KIF20B: variants seen among roughly 807,000 people sequenced by gnomAD.
KIF20B encodes kinesin family member 20B, also known as kinesin-like protein KIF20B.
A neutral mutation model predicts 232.5 loss-of-function variants in KIF20B; 188 were observed. That is an observed-to-expected ratio of 0.81 (90% CI 0.72 to 0.91). The LOEUF is 0.91. KIF20B is among the 40% of genes least tolerant of loss of function. The pLI is 0.00. For missense variants in KIF20B, 2,154 were observed against 2,055.9 expected (o/e 1.05, Z -0.92); for synonymous variants, 712 against 683.0 (o/e 1.04, Z -0.66).
chr10:89,765,619 T>C (rs767296437), intron 29 of KIF20B, among the ~76,000 whole-genome samples: 7 of 152,224 alleles, frequency 4.6e-5, no homozygotes, highest in South Asian at 2.1e-4. Context: ...GGCATCACGC[T>C]ACCTGACTTA....
chr10:89,750,682 G>A (rs920446078), intron 23 of KIF20B, among the ~76,000 whole-genome samples: 4 of 152,060 alleles, frequency 2.6e-5, no homozygotes, highest in Non-Finnish European at 4.4e-5. Flanking sequence ...CTCTTTATCC[G>A]TTTCCTGCAG....
chr10:89,709,183 C>A lies in KIF20B; in HGVS notation c.164C>A (p.Ser55Tyr). The change falls in exon 3 of 33, where the codon TCT (serine) becomes TAT (tyrosine). Residue 55 changes from serine (S) to tyrosine (Y), a missense_variant. Coordinates refer to ENST00000371728, the MANE Select transcript of KIF20B (RefSeq NM_001284259.2). Reference sequence around the variant, plus strand: ...TTTTTTAAGGCAAACAGTTTCGAATCTAAAGATTATCTCCAGGTTTGTCTT... The same window carrying A: ...TTTTTTAAGGCAAACAGTTTCGAATATAAAGATTATCTCCAGGTTTGTCTT... ...APNTEANSFE[S>Y]KDYLQVCLRI... is the part of the protein sequence containing the mutation. 1 of 1,606,590 alleles carries A rather than the reference C, an allele frequency of 6.2e-7. No individual in the cohort carries two copies. The highest frequency in any genetic ancestry group is 1.1e-5 in the South Asian group (1 of 89,898).
chr10:89,768,569 C>G (rs539610173), intron 30 of KIF20B, among the ~76,000 whole-genome samples, 169 bp from the exon 31 acceptor site: 2 of 152,030 alleles, frequency 1.3e-5, no homozygotes, highest in Non-Finnish European at 2.9e-5. Flanking sequence ...CTCTGCCTGT[C>G]AAACTCTTTT....
intron 17 of KIF20B, among the ~76,000 whole-genome samples, chr10:89,728,905 T>TTGTGTGTGTGTGTGTGTGAGTG (rs1843251603): frequency 2.2e-5 from 3 of 138,118 alleles, no homozygotes; most frequent in African/African-American, 8.4e-5. Flanking sequence ...TCTTTTTTCT[T>TTGTGTGTGTGTGTGTGTGAGTG]TGTGTGTGTG....
rs1041592675 is a variant in KIF20B, at chr10:89,774,225, A to T, written c.*177A>T. 1 of 381,194 alleles carries T rather than the reference A, an allele frequency of 2.6e-6. No homozygotes were observed. The highest frequency in any genetic ancestry group is 4.6e-5 in the Admixed American group (1 of 21,778). 23.6% of individuals were successfully genotyped at this position (381,194 alleles called of 1,614,324 possible). A position where few individuals can be genotyped will look rare whatever the true frequency, so the allele number is the denominator to read the frequency against. On this transcript the variant is annotated 3_prime_UTR_variant, in exon 33 of 33. Transcript: ENST00000371728. ...GAGTCAAAATTTGTATATTTTTATAAGGCTTTTTTATAATAGCTTCTTTCA... is the reference window on the plus strand; with the variant it reads ...GAGTCAAAATTTGTATATTTTTATATGGCTTTTTTATAATAGCTTCTTTCA...
intron 18 of KIF20B, among the ~76,000 whole-genome samples, chr10:89,729,675 T>C (rs766560043): frequency 1.6e-4 from 24 of 152,222 alleles, no homozygotes; most frequent in Non-Finnish European, 3.2e-4. Flanking sequence ...ATTGTTGCTA[T>C]TGTTTATATG....
intron 28 of KIF20B, 112 bp from the exon 29 acceptor site, chr10:89,762,526 T>A: frequency 1.3e-6 from 1 of 742,922 alleles, no homozygotes; most frequent in Non-Finnish European, 2.2e-6. Context: ...CTAGCACGCT[T>A]TTTGTCTTTC....
chr10:89,769,008 C>A, intron 31 of KIF20B, 120 bp downstream of exon 31: 1 of 771,550 alleles, frequency 1.3e-6, no homozygotes, highest in Non-Finnish European at 2.0e-6. Context: ...TAGGCATTGT[C>A]CTATACTAGG....
chr10:89,724,303 G>A (rs985492563), intron 14 of KIF20B, among the ~76,000 whole-genome samples, 200 bp downstream of exon 14: 1 of 152,092 alleles, frequency 6.6e-6, no homozygotes, highest in African/African-American at 2.4e-5. Flanking sequence ...TAGGCAGGCG[G>A]ATCACTGAAG....
intron 19 of KIF20B, among the ~76,000 whole-genome samples, chr10:89,737,018 T>G (rs891974257): frequency 2.0e-5 from 3 of 152,098 alleles, no homozygotes; most frequent in African/African-American, 7.2e-5. Context: ...GCCTAGGGTT[T>G]CTCGTCATCT....
chr10:89,709,883 A>C (rs1219560118), intron 4 of KIF20B, 44 bp from the exon 5 acceptor site: 2 of 1,517,992 alleles, frequency 1.3e-6, no homozygotes, highest in Non-Finnish European at 1.8e-6. Flanking sequence ...TATTAATATT[A>C]ACTTGAATTT....
At chr10:89,729,522 A>G (rs889517645) in intron 18 of KIF20B, among the ~76,000 whole-genome samples, 1 of 152,234 alleles carries the variant, frequency 6.6e-6, no homozygotes, top group African/African-American at 2.4e-5. Flanking sequence ...TGGACGTTTA[A>G]GCCTCAGCTA....
intron 23 of KIF20B, among the ~76,000 whole-genome samples, chr10:89,749,391 A>G (rs960350424): frequency 2.0e-5 from 3 of 152,198 alleles, no homozygotes; most frequent in Non-Finnish European, 2.9e-5. Flanking sequence ...TATATGTAAC[A>G]TAAAATTTAC....
chr10:89,711,240 G>C, intron 6 of KIF20B, 95 bp downstream of exon 6: 2 of 730,900 alleles, frequency 2.7e-6, no homozygotes, highest in South Asian at 8.2e-5. Context: ...CTGGTTTGTG[G>C]TGGTAGTGTT....
intron 1 of KIF20B, among the ~76,000 whole-genome samples, chr10:89,702,324 G>A (rs527390445): frequency 6.6e-6 from 1 of 152,328 alleles, no homozygotes; most frequent in South Asian, 2.1e-4. Flanking sequence ...CACAGTGACT[G>A]CTGTCATTCC....
At chr10:89,719,357 C>T in intron 12 of KIF20B, 62 bp from the exon 13 acceptor site, 3 of 1,157,836 alleles carry the variant, frequency 2.6e-6, no homozygotes, top group Non-Finnish European at 3.6e-6. Context: ...ATAAAATAAT[C>T]ATTTTCTAGT....
chr10:89,710,206 C>T (rs1365090322), intron 5 of KIF20B, 141 bp downstream of exon 5: 14 of 564,540 alleles, frequency 2.5e-5, no homozygotes, highest in South Asian at 6.9e-5. Context: ...CATATTATTA[C>T]GTATTGCTGT....
chr10:89,715,604 A>G (rs935714331), intron 8 of KIF20B, among the ~76,000 whole-genome samples: 3 of 152,194 alleles, frequency 2.0e-5, no homozygotes, highest in African/African-American at 7.2e-5. Flanking sequence ...ATGTATATAT[A>G]TTCATATGTA....
At chr10:89,718,686 G>T (rs780896770) in intron 11 of KIF20B, 24 bp from the exon 12 acceptor site, 4 of 1,583,710 alleles carry the variant, frequency 2.5e-6, no homozygotes, top group Non-Finnish European at 3.4e-6. Context: ...AACTTACAAT[G>T]TTTTCTGAAA....
Sources: allele counts gnomAD v4.1 joint callset (sites outside exome capture counted in the v4.1 genomes callset), GRCh38; gene constraint gnomAD v4.1.1; transcripts MANE v1.5; gene names NCBI Gene and HGNC (gene_info 2026-07-23, HGNC 2026-07-21).